Variants in AKAP12 observed in about 807,000 individuals in gnomAD.
AKAP12 encodes A-kinase anchoring protein 12, also known as A-kinase anchor protein 12.
Under a neutral mutation model 79.9 loss-of-function variants are expected in AKAP12, and 32 were observed. The ratio of observed to expected loss-of-function variants is 0.40; its 90% CI spans 0.30 to 0.54. The LOEUF (loss-of-function observed/expected upper bound fraction) is 0.54, where lower values mean the gene tolerates loss of function less well. Among genes scored for constraint, AKAP12 ranks in the 20% least tolerant of loss-of-function variants. The pLI is 0.48. For missense variants in AKAP12, 2,074 were observed against 2,177.0 expected, an observed-to-expected ratio of 0.95 and a Z score of 0.94; for synonymous variants, 808 against 857.0, an observed-to-expected ratio of 0.94 and a Z score of 1.00.
intron 2 of AKAP12, among the ~76,000 whole-genome samples, chr6:151,261,272 TGAGGCAGGAGAATCGTTTGAACCGG>T (rs1369353654): frequency 6.6e-6 from 1 of 151,756 alleles, no homozygotes; most frequent in Non-Finnish European, 1.5e-5. Context: ...CTCAGGAGGC[TGAGGCAGGAGAATCGTTTGAACCGG>T]GAGGCAGAGG....
At chr6:151,291,148 C>G (rs1776610318) in intron 2 of AKAP12, among the ~76,000 whole-genome samples, 1 of 152,206 alleles carries the variant, frequency 6.6e-6, no homozygotes, top group Non-Finnish European at 1.5e-5. Context: ...AGTATCATGC[C>G]TCTGAGACAG....
intron 3 of AKAP12, among the ~76,000 whole-genome samples, chr6:151,308,523 C>T (rs1422168971): frequency 6.6e-6 from 1 of 151,958 alleles, no homozygotes; most frequent in African/African-American, 2.4e-5. Context: ...AATTAATATA[C>T]CTTGTCCTTC....
At position 151,332,039 on chromosome 6, in the gene AKAP12, T is replaced by TTGTTTTTG. The variant is rs1562743243; in HGVS notation, c.320-16671_320-16670insGTTTTTGT. 3.9e-3 allele frequency among the ~76,000 whole-genome samples: 546 copies of TTGTTTTTG among 138,274 alleles called. 23 individuals carry two copies. The highest frequency in any genetic ancestry group is 0.014 in the African/African-American group (507 of 35,868). The allele number at this position is 138,274 out of a possible 152,430, so 90.7% of individuals were successfully genotyped here. On this transcript the variant is annotated intron_variant, in intron 3 of 4. Coordinates refer to ENST00000402676, the MANE Select transcript of AKAP12 (RefSeq NM_005100.4). Reference sequence around the variant, plus strand: ...CACGTCCAGTTCTGGGTCTGTTTTTTTTTTTTTTTTTTTTTGAGACAGTCT... The same window carrying TTGTTTTTG: ...CACGTCCAGTTCTGGGTCTGTTTTTTTGTTTTTGTTTTTTTTTTTTTTTGAGACAGTCT...
intron 2 of AKAP12, chr6:151,298,740 G>C (rs1225618451): frequency 1.3e-5 from 2 of 151,448 alleles, no homozygotes; most frequent in East Asian, 1.9e-4. Context: ...AGGTTGCAGT[G>C]AGCCGAGATG....
intron 3 of AKAP12, among the ~76,000 whole-genome samples, chr6:151,347,763 G>C (rs1778138896): frequency 6.6e-6 from 1 of 152,210 alleles, no homozygotes. Context: ...TTCACTGGGT[G>C]CAGTGGCTCA....
At chr6:151,340,051 G>T (rs1473160276) in intron 3 of AKAP12, among the ~76,000 whole-genome samples, 1 of 151,750 alleles carries the variant, frequency 6.6e-6, no homozygotes, top group Non-Finnish European at 1.5e-5. Context: ...TCAGCCTCCC[G>T]AGTAGCTGGG....
chr6:151,345,893 A>ATGTGTGTG (rs1485991559), intron 3 of AKAP12, among the ~76,000 whole-genome samples: 2 of 82,350 alleles, frequency 2.4e-5, no homozygotes, highest in Admixed American at 1.3e-4. Flanking sequence ...ATGTGTGTGT[A>ATGTGTGTG]TATGTGTGTG....
intron 3 of AKAP12, 21 bp downstream of exon 3, chr6:151,305,924 C>T: frequency 6.3e-7 from 1 of 1,587,270 alleles, no homozygotes; most frequent in Non-Finnish European, 8.6e-7. Flanking sequence ...CCTCCAGGAA[C>T]TGGAAGGCAC....
intron 3 of AKAP12, among the ~76,000 whole-genome samples, chr6:151,337,504 T>C (rs2114802987): frequency 1.3e-5 from 1 of 79,902 alleles, no homozygotes; most frequent in South Asian, 4.7e-4. Context: ...AATAAGAGTT[T>C]CCGTCTCGAA....
At chr6:151,292,307 TTG>T (rs1365887651) in intron 2 of AKAP12, among the ~76,000 whole-genome samples, 1 of 152,262 alleles carries the variant, frequency 6.6e-6, no homozygotes, top group Non-Finnish European at 1.5e-5. Flanking sequence ...GGACTTAGAA[TTG>T]AAGTTGCAAT....
At chr6:151,283,759 C>G (rs1266978553) in intron 2 of AKAP12, among the ~76,000 whole-genome samples, 1 of 152,198 alleles carries the variant, frequency 6.6e-6, no homozygotes, top group Non-Finnish European at 1.5e-5. Context: ...AAAGCAATGT[C>G]AGGTGTTTTT....
At chr6:151,259,246 A>G (rs902504807) in intron 2 of AKAP12, among the ~76,000 whole-genome samples, 2 of 151,348 alleles carry the variant, frequency 1.3e-5, no homozygotes, top group Non-Finnish European at 2.9e-5. Context: ...GGGTTTCACC[A>G]TGTTGGCTGG....
chr6:151,311,958 C>A (rs1023440815), intron 3 of AKAP12, among the ~76,000 whole-genome samples: 9 of 152,228 alleles, frequency 5.9e-5, no homozygotes, highest in African/African-American at 2.2e-4. Flanking sequence ...CACCCCATAC[C>A]TGTTTCCTCT....
rs1299729876 is a variant in AKAP12 at position 151,357,351 on chromosome 6, G to A, written c.*1637G>A. 1 of 152,182 alleles carries A rather than the reference G, an allele frequency of 6.6e-6. No homozygotes were observed. The highest frequency in any genetic ancestry group is 1.9e-4 in the East Asian group (1 of 5,198). The allele number at this position is 152,182 out of a possible 1,614,324, so 9.4% of individuals were successfully genotyped here. On this transcript the variant is annotated 3_prime_UTR_variant, in exon 5 of 5. Coordinates refer to ENST00000402676, the MANE Select transcript of AKAP12 (RefSeq NM_005100.4). ...TCAGACAATTGTCACACGAAGAATA[G>A]TGTCACTTATCTACTCTTGACACAC...
rs138607069 is a variant in AKAP12, at chr6:151,242,291, CCCTTCCCAG to C, written c.162+1568_162+1576del. On this transcript the variant is annotated intron_variant, in intron 2 of 4. Transcript: ENST00000402676. ...TTCACCCTGAAATATGGGATTTAAT[CCCTTCCCAG>C]TAAACTTGAATTTGTTTATTTAAAA... Among the ~76,000 whole-genome samples, 288 of 152,244 alleles carry C rather than the reference CCCTTCCCAG, an allele frequency of 1.9e-3. 8 individuals carry two copies. In the East Asian group the frequency reaches 0.031, roughly 17 times the overall value.
In AKAP12 at chr6:151,349,782, T is replaced by G. The variant is rs1290053993; in HGVS notation, c.1391T>G (p.Val464Gly). 1 of 1,613,914 alleles carries G rather than the reference T, an allele frequency of 6.2e-7. No individual in the cohort carries two copies. Among genetic ancestry groups the G allele is most frequent in the East Asian group, 2.2e-5 (1 of 44,870 alleles). ...GAAGCTGAACCTGCCAAGGAGCTGG[T>G]GAAGCTCAAAGAAACGTGTGTTTCC... ...PQEAEPAKEL[V>G]KLKETCVSGE... The change falls in exon 4 of 5, where the codon GTG becomes GGG. Residue 464 changes from valine (V) to glycine (G), a missense_variant. Physicochemically the swap from Val to Gly is moderately radical, Grantham distance 109. Transcript: ENST00000402676.
intron 2 of AKAP12, among the ~76,000 whole-genome samples, chr6:151,252,195 CTTTCTTTTTTTTT>C (rs927112712): frequency 8.6e-5 from 13 of 150,322 alleles, no homozygotes; most frequent in African/African-American, 3.2e-4. Flanking sequence ...GGTCAAGTTT[CTTTCTTTTTTTTT>C]TTTTTTCTGA....
At chr6:151,332,033 G>GTTGTTTTTGTTTTTTTTTTTTT (rs1303327962) in intron 3 of AKAP12, among the ~76,000 whole-genome samples, 1 of 79,682 alleles carries the variant, frequency 1.3e-5, no homozygotes. Context: ...TTCTGGGTCT[G>GTTGTTTTTGTTTTTTTTTTTTT]TTTTTTTTTT....
At chr6:151,253,215 T>TA (rs1797220576) in intron 2 of AKAP12, among the ~76,000 whole-genome samples, 1 of 152,222 alleles carries the variant, frequency 6.6e-6, no homozygotes, top group Non-Finnish European at 1.5e-5. Flanking sequence ...TTGTGATACG[T>TA]AAGACAAGAT....
Sources: allele counts gnomAD v4.1 joint callset (sites outside exome capture counted in the v4.1 genomes callset), GRCh38; gene constraint gnomAD v4.1.1; transcripts MANE v1.5; gene names NCBI Gene and HGNC (gene_info 2026-07-23, HGNC 2026-07-21).